ARL10: variants seen among roughly 807,000 people sequenced by gnomAD.
The protein encoded by ARL10 is ADP-ribosylation factor-like protein 10.
In ARL10, 23 loss-of-function variants were observed where a neutral mutation model predicts 26.1. The observed-to-expected ratio is 0.88, with a 90% confidence interval of 0.63 to 1.25. The LOEUF (loss-of-function observed/expected upper bound fraction) is 1.25. ARL10 is among the 50% of genes most tolerant of loss of function. The pLI is 0.00. For missense variants in ARL10, 300 were observed against 323.6 expected, an observed-to-expected ratio of 0.93 and a Z score of 0.56; for synonymous variants, 138 against 149.1, an observed-to-expected ratio of 0.93 and a Z score of 0.54.
downstream of ARL10, chr5:176,384,474 G>T: frequency 8.1e-7 from 1 of 1,229,670 alleles, no homozygotes; most frequent in Non-Finnish European, 1.1e-6. Context: ...TATCCCTGAG[G>T]TCCAGAATCC....
chr5:176,380,857 C>A lies in ARL10; in HGVS notation c.*8962C>A, dbSNP rs947403994. 6.6e-6 allele frequency: 1 copy of A among 152,168 alleles called. No individual in the cohort carries two copies. Among genetic ancestry groups the A allele is most frequent in the African/African-American group, 2.4e-5 (1 of 41,398 alleles). 9.4% of individuals were successfully genotyped at this position (152,168 alleles called of 1,614,324 possible). A position where few individuals can be genotyped will look rare whatever the true frequency, so the allele number is the denominator to read the frequency against. Reference sequence around the variant, plus strand: ...CTCGGCTTACTGCAACCTCTGCCTCCAGGGCACAAGAGATTTTGCCACCTC... The same window carrying A: ...CTCGGCTTACTGCAACCTCTGCCTCAAGGGCACAAGAGATTTTGCCACCTC... On this transcript the variant is annotated 3_prime_UTR_variant, in exon 4 of 4. Transcript: ENST00000310389.
chr5:176,381,171 T>A lies in ARL10; in HGVS notation c.*9276T>A, dbSNP rs1310253921. ...TACCCAATGCCTCTAACTGGATCCATCCAGTTTATTATGGGATGCAGTCCA... is the reference window on the plus strand; with the variant it reads ...TACCCAATGCCTCTAACTGGATCCAACCAGTTTATTATGGGATGCAGTCCA... On this transcript the variant is annotated 3_prime_UTR_variant, in exon 4 of 4. Coordinates refer to ENST00000310389, the MANE Select transcript of ARL10 (RefSeq NM_173664.6). 1 of 152,144 alleles carries A rather than the reference T, an allele frequency of 6.6e-6. No individual in the cohort carries two copies. The highest frequency in any genetic ancestry group is 1.5e-5 in the Non-Finnish European group (1 of 68,006). 9.4% of individuals were successfully genotyped at this position (152,144 alleles called of 1,614,324 possible). A position where few individuals can be genotyped will look rare whatever the true frequency, so the allele number is the denominator to read the frequency against.
chr5:176,383,686 G>T (rs1755611306), downstream of ARL10, among the ~76,000 whole-genome samples: 2 of 152,266 alleles, frequency 1.3e-5, no homozygotes, highest in South Asian at 4.1e-4. Flanking sequence ...CAGCCTAGTG[G>T]GGGGACTAGC....
chr5:176,366,321 C>G (rs1581390457), intron 1 of ARL10, 59 bp from the exon 2 acceptor site: 1 of 1,536,582 alleles, frequency 6.5e-7, no homozygotes, highest in Non-Finnish European at 8.7e-7. Flanking sequence ...TTCGGTCTTC[C>G]CTCGGGAAAG....
rs1768634167 is a variant in ARL10, at chr5:176,374,504, A to C, written c.*2609A>C. 1 of 152,214 alleles carries C rather than the reference A, an allele frequency of 6.6e-6. No homozygotes were observed. The highest frequency in any genetic ancestry group is 6.5e-5 in the Admixed American group (1 of 15,286). 9.4% of individuals were successfully genotyped at this position (152,214 alleles called of 1,614,324 possible). A position where few individuals can be genotyped will look rare whatever the true frequency, so the allele number is the denominator to read the frequency against. On this transcript the variant is annotated 3_prime_UTR_variant, in exon 4 of 4. Coordinates refer to ENST00000310389, the MANE Select transcript of ARL10 (RefSeq NM_173664.6). ...TGGGGACCTTAGGATGGCTATCAGG[A>C]GTGTAATACCAAGAAACTGGAATGC...
chr5:176,413,579 G>A, the ARL10 span, among the ~76,000 whole-genome samples: 2 of 152,242 alleles, frequency 1.3e-5, no homozygotes, highest in Non-Finnish European at 2.9e-5. Flanking sequence ...GCTAATCTGA[G>A]GACCCCAACA....
chr5:176,366,454 T>C lies in ARL10; in HGVS notation c.258T>C (p.Asp86=), dbSNP rs776565901. ...EQREVLVLGL[D]GAGKSTFLRV... ...GCGAGGTGCTGGTGCTGGGGCTGGA[T>C]GGCGCAGGCAAGAGCACGTTCCTGC... Residue 86 remains aspartate (D), a synonymous_variant, in exon 2 of 4, where the codon GAT becomes GAC. Coordinates refer to ENST00000310389, the MANE Select transcript of ARL10 (RefSeq NM_173664.6). The C allele has an allele frequency of 5.0e-6, 8 of 1,613,724 alleles. No homozygotes were observed. Among genetic ancestry groups the C allele is most frequent in the Non-Finnish European group, 6.8e-6 (8 of 1,179,994 alleles).
the ARL10 span, among the ~76,000 whole-genome samples, chr5:176,411,943 G>A: frequency 7.9e-5 from 12 of 152,118 alleles, no homozygotes; most frequent in Admixed American, 5.9e-4. Context: ...TTGGGAGGCT[G>A]AGGTGGGCAG....
intron 3 of ARL10, among the ~76,000 whole-genome samples, chr5:176,370,577 A>G (rs955885176): frequency 6.6e-6 from 1 of 152,192 alleles, no homozygotes; most frequent in African/African-American, 2.4e-5. Context: ...TGTCCAAGAC[A>G]GTCCCCATTT....
chr5:176,394,285 A>C (rs1468696350), intron 1 of ARL10, among the ~76,000 whole-genome samples: 1 of 152,218 alleles, frequency 6.6e-6, no homozygotes, highest in Non-Finnish European at 1.5e-5. Context: ...ATGACGACAG[A>C]GCCTGTCAGA....
chr5:176,389,432 C>T, downstream of ARL10: 2 of 1,614,212 alleles, frequency 1.2e-6, no homozygotes, highest in Non-Finnish European at 1.7e-6. Context: ...GATCGCCGCC[C>T]AGGGTTTCAC....
downstream of ARL10, among the ~76,000 whole-genome samples, chr5:176,403,049 AT>A (rs34807992): frequency 2.6e-3 from 362 of 137,958 alleles, no homozygotes; most frequent in Admixed American, 3.2e-3. Flanking sequence ...GCCTGCCCTA[AT>A]TTTTTTTTTT....
downstream of ARL10, chr5:176,383,861 CCT>C (rs1417323081): frequency 9.1e-6 from 9 of 985,318 alleles, no homozygotes; most frequent in Non-Finnish European, 1.3e-5. Flanking sequence ...GGCGGGATGG[CCT>C]CTCAGCCCCG....
chr5:176,384,957 T>C, downstream of ARL10: 2 of 581,602 alleles, frequency 3.4e-6, no homozygotes, highest in Non-Finnish European at 6.1e-6. Context: ...CAAGACTCTG[T>C]CTTGAAAACA....
downstream of ARL10, chr5:176,386,766 G>T (rs774235020): frequency 7.7e-7 from 1 of 1,305,298 alleles, no homozygotes; most frequent in South Asian, 1.2e-5. Flanking sequence ...TGCAAAATGA[G>T]GACATCTTAG....
At chr5:176,388,904 T>C, downstream of ARL10, 1 of 1,614,136 alleles carries the variant, frequency 6.2e-7, no homozygotes. Flanking sequence ...CCCCACTGTT[T>C]ACAGGAATCC....
At chr5:176,400,558 C>T (rs1216263199) in intron 1 of ARL10, among the ~76,000 whole-genome samples, 1 of 152,194 alleles carries the variant, frequency 6.6e-6, no homozygotes, top group Non-Finnish European at 1.5e-5. Flanking sequence ...ACCCTCTGGT[C>T]TGGCAAAGCC....
Position 176,373,484 on chromosome 5 carries a change from G to T in ARL10, c.*1589G>T, listed in dbSNP as rs1768609057. On this transcript the variant is annotated 3_prime_UTR_variant, in exon 4 of 4. Transcript: ENST00000310389. Reference sequence around the variant, plus strand: ...CTGTCTAGTTGAGAATAGAGATTGTGTGCCTTCATTTCATTTGACATTTAC... The same window carrying T: ...CTGTCTAGTTGAGAATAGAGATTGTTTGCCTTCATTTCATTTGACATTTAC... The T allele has an allele frequency of 6.4e-6, 1 of 155,928 alleles. No homozygotes were observed. Among genetic ancestry groups the T allele is most frequent in the Non-Finnish European group, 1.4e-5 (1 of 70,912 alleles). 9.7% of individuals were successfully genotyped at this position (155,928 alleles called of 1,614,324 possible).
At chr5:176,410,621 T>C in the ARL10 span, among the ~76,000 whole-genome samples, 1 of 152,154 alleles carries the variant, frequency 6.6e-6, no homozygotes, top group Non-Finnish European at 1.5e-5. Context: ...AATAGCTCCT[T>C]ACCTACCTGA....
Sources: allele counts gnomAD v4.1 joint callset (sites outside exome capture counted in the v4.1 genomes callset), GRCh38; gene constraint gnomAD v4.1.1; transcripts MANE v1.5; gene names NCBI Gene and HGNC (gene_info 2026-07-23, HGNC 2026-07-21).